ALDH3A1: variants seen among roughly 807,000 people sequenced by gnomAD.
ALDH3A1 encodes aldehyde dehydrogenase 3 family member A1.
In ALDH3A1, 46 loss-of-function variants were observed where a neutral mutation model predicts 49.9. The ratio of observed to expected loss-of-function variants is 0.92; its 90% confidence interval spans 0.73 to 1.18. The LOEUF is 1.18. ALDH3A1 is among the 50% of genes most tolerant of loss of function. The probability of loss-of-function intolerance (pLI) is 0.00; values close to 1 mark genes in which losing one functional copy is unlikely to be tolerated. For synonymous variants in ALDH3A1, 269 were observed against 253.3 expected (o/e 1.06, Z -0.59); for missense variants, 592 against 611.8 (o/e 0.97, Z 0.34).
chr17:19,744,610 C>T (rs1597674634), intron 2 of ALDH3A1: 1 of 985,308 alleles, frequency 1.0e-6, no homozygotes, highest in East Asian at 1.1e-4. Context: ...CCATGCCCTC[C>T]GGGGTGCCAA....
Position 19,744,988 on chromosome 17 carries a change from G to C in ALDH3A1, c.142C>G (p.Leu48Val), listed in dbSNP as rs1469726196. 1 of 1,472,096 alleles carries C rather than the reference G, an allele frequency of 6.8e-7. No individual in the cohort carries two copies. The highest frequency in any genetic ancestry group is 1.9e-5 in the Admixed American group (1 of 53,400). 91.2% of individuals were successfully genotyped at this position (1,472,096 alleles called of 1,614,324 possible). A position where few individuals can be genotyped will look rare whatever the true frequency, so the allele number is the denominator to read the frequency against. Residue 48 changes from leucine (L) to valine (V), a missense_variant, in exon 2 of 11, where the codon CTG (leucine) becomes GTG (valine). Coordinates refer to ENST00000225740, the MANE Select transcript of ALDH3A1 (RefSeq NM_000691.5). ...QEQEQELVGA[L>V]AADLHKNEWN... ...AGCACCTTGTGCAGGTCTGCGGCCA[G>C]CGCGCCCACCAGCTCCTGCTCCTGC... is the stretch of plus-strand genomic sequence containing the variant.
At chr17:19,741,421 T>C (rs1404620561) in intron 5 of ALDH3A1, 2 of 513,840 alleles carry the variant, frequency 3.9e-6, no homozygotes, top group Non-Finnish European at 7.1e-6. Context: ...GGGGAATTTC[T>C]AGAGGACGTC....
intron 4 of ALDH3A1, 151 bp from the exon 5 acceptor site, chr17:19,742,363 C>T (rs557034887): frequency 9.0e-7 from 1 of 1,112,566 alleles, no homozygotes; most frequent in South Asian, 1.5e-5. Context: ...CAGTAGACCG[C>T]CTTTCCTGGC....
chr17:19,741,111 C>T lies in ALDH3A1; in HGVS notation c.789G>A (p.Lys263=). 2 of 1,614,056 alleles carry T rather than the reference C, an allele frequency of 1.2e-6. No homozygotes were observed. Among genetic ancestry groups the T allele is most frequent in the Admixed American group, 1.7e-5 (1 of 60,028 alleles). Residue 263 remains lysine, a synonymous_variant, in exon 6 of 11, where the codon AAG becomes AAA. Coordinates refer to ENST00000225740, the MANE Select transcript of ALDH3A1 (RefSeq NM_000691.5). The stretch of plus-strand genomic sequence containing the variant: ...CACTCACTTTCAGTGACTTCTTGAG[C>T]TTCTCCACAATTTGGTTCTGGATCG... ...DPSIQNQIVE[K]LKKSLKEFYG... is the part of the protein sequence containing the mutation.
At position 19,741,189 on chromosome 17, in the gene ALDH3A1, G is replaced by C. The variant is rs1230637540; in HGVS notation, c.711C>G (p.Phe237Leu). 6.2e-7 allele frequency: 1 copy of C among 1,614,008 alleles called. No individual in the cohort carries two copies. Among genetic ancestry groups the C allele is most frequent in the East Asian group, 2.2e-5 (1 of 44,878 alleles). ...CCACGCAGGTCTGGCCACTGTTCAT[G>C]AATTTCCCCCAGGCGATGCGTCTGT... ...VACRRIAWGK[F>L]MNSGQTCVAP... Residue 237 changes from phenylalanine (F) to leucine (L), a missense_variant, in exon 6 of 11, where the codon TTC becomes TTG. By Grantham distance (22) the Phe-to-Leu change is conservative (BLOSUM62 0). Coordinates refer to ENST00000225740, the MANE Select transcript of ALDH3A1 (RefSeq NM_000691.5).
At chr17:19,741,013 T>C (rs2086481154) in intron 6 of ALDH3A1, 80 bp downstream of exon 6, 1 of 1,034,858 alleles carries the variant, frequency 9.7e-7, no homozygotes, top group South Asian at 1.3e-5. Context: ...TTTCCAAATC[T>C]GTAGAAGTTG....
rs532511984 is a variant in ALDH3A1 at position 19,743,006 on chromosome 17, G to A, written c.394+226C>T. ...CTCCAGCCCCCCAACAGGGGTGGGGGAAGGCAGGCCCTCTCTGTATCACCA... is the reference window on the plus strand; with the variant it reads ...CTCCAGCCCCCCAACAGGGGTGGGGAAAGGCAGGCCCTCTCTGTATCACCA... On this transcript the variant is annotated intron_variant, in intron 3 of 10. Coordinates refer to ENST00000225740, the MANE Select transcript of ALDH3A1 (RefSeq NM_000691.5). This position sits in a 1 kb window ranked among gnomAD's most constrained non-coding sequence, Gnocchi z 4.4. The A allele has an allele frequency of 1.0e-4, 153 of 1,531,636 alleles. 2 individuals are homozygous for A. The Admixed American group carries it at 3.0e-3, about 30-fold the overall frequency. 94.9% of individuals were successfully genotyped at this position (1,531,636 alleles called of 1,614,324 possible). A position where few individuals can be genotyped will look rare whatever the true frequency, so the allele number is the denominator to read the frequency against.
At chr17:19,740,247 T>C (rs2086465374) in intron 7 of ALDH3A1, 89 bp downstream of exon 7, 11 of 1,555,894 alleles carry the variant, frequency 7.1e-6, no homozygotes, top group Non-Finnish European at 9.6e-6. Flanking sequence ...TCGTGTCCGC[T>C]TATCAAGCAT....
chr17:19,739,821 C>A (rs1266775357), intron 7 of ALDH3A1, 147 bp from the exon 8 acceptor site: 1 of 994,212 alleles, frequency 1.0e-6, no homozygotes, highest in African/African-American at 1.6e-5. Flanking sequence ...CAGAGAGGTA[C>A]CCTAGGCACC....
In ALDH3A1 at chr17:19,743,412, C is replaced by T. The variant is rs759633710; in HGVS notation, c.214G>A (p.Glu72Lys). Residue 72 changes from glutamate (E) to lysine (K), a missense_variant, in exon 3 of 11, where the codon GAG becomes AAG. Physicochemically the swap from Glu to Lys is moderately conservative, Grantham distance 56 (BLOSUM62 1). Coordinates refer to ENST00000225740, the MANE Select transcript of ALDH3A1 (RefSeq NM_000691.5). This position sits in a 1 kb window ranked among gnomAD's most constrained non-coding sequence, Gnocchi z 4.4. The stretch of plus-strand genomic sequence containing the variant: ...TCAGGGAGCTTCTGGATCATGTACT[C>T]GATCTCCTCTAGGACGTACACCACC... ...EEVVYVLEEI[E>K]YMIQKLPEWA... is the part of the protein sequence containing the mutation. 1.9e-6 allele frequency: 3 copies of T among 1,613,828 alleles called. No homozygotes were observed. Among genetic ancestry groups the T allele is most frequent in the Admixed American group, 1.7e-5 (1 of 59,972 alleles).
At chr17:19,747,901 C>T in intron 1 of ALDH3A1, 1 of 164,724 alleles carries the variant, frequency 6.1e-6, no homozygotes, top group Non-Finnish European at 1.3e-5. Flanking sequence ...TCTGATCTCA[C>T]AGTTAGCAGG....
intron 2 of ALDH3A1, 68 bp downstream of exon 2, chr17:19,744,900 A>ACCCCC: frequency 1.1e-5 from 3 of 270,616 alleles, no homozygotes; most frequent in Non-Finnish European, 1.6e-5. Flanking sequence ...CACTCTCCCC[A>ACCCCC]GCCCCTCCCC....
Position 19,743,190 on chromosome 17 carries a change from G to A in ALDH3A1, c.394+42C>T, listed in dbSNP as rs1281340752. 1 of 1,609,642 alleles carries A rather than the reference G, an allele frequency of 6.2e-7. No individual in the cohort carries two copies. The highest frequency in any genetic ancestry group is 1.1e-5 in the South Asian group (1 of 90,676). On this transcript the variant is annotated intron_variant, in intron 3 of 10. Coordinates refer to ENST00000225740, the MANE Select transcript of ALDH3A1 (RefSeq NM_000691.5). This position sits in a 1 kb window ranked among gnomAD's most constrained non-coding sequence, Gnocchi z 4.4. The stretch of plus-strand genomic sequence containing the variant: ...CATCCTGGCTTGGCTCCACGCTGGG[G>A]GACGGTGCTCCCCCAGCTTCCCTTC...
chr17:19,740,476 T>G lies in ALDH3A1; in HGVS notation c.809A>C (p.Glu270Ala), dbSNP rs141568499. Residue 270 changes from glutamate (E) to alanine (A), a missense_variant and splice_region_variant, in exon 7 of 11, where the codon GAG (glutamate) becomes GCG (alanine). Coordinates refer to ENST00000225740, the MANE Select transcript of ALDH3A1 (RefSeq NM_000691.5). ...TTTCTTAGCATCTTCCCCGTAGAAC[T>G]CCTGTGGAGAAGAGGTGGGGGCTTC... ...IVEKLKKSLK[E>A]FYGEDAKKSR... The G allele has an allele frequency of 4.4e-3, 7,029 of 1,613,900 alleles. 49 individuals carry two copies. The highest frequency in any genetic ancestry group is 4.7e-3 in the Non-Finnish European group (5,604 of 1,179,978).
Position 19,745,053 on chromosome 17 carries a change from C to T in ALDH3A1, c.77G>A (p.Arg26Gln). ...CTGCAGCGCCTCCAGCTGCTGGATC[C>T]GGAACTGCAGCGGACGGGTCCTGCC... The part of the protein sequence containing the change: ...SSGRTRPLQF[R>Q]IQQLEALQRL... The change falls in exon 2 of 11, where the codon CGG becomes CAG. Residue 26 changes from arginine (R) to glutamine (Q), a missense_variant. Arg to Gln is a conservative substitution (Grantham distance 43, BLOSUM62 1). Transcript: ENST00000225740. 6.3e-7 allele frequency: 1 copy of T among 1,597,932 alleles called. No individual in the cohort carries two copies. Among genetic ancestry groups the T allele is most frequent in the South Asian group, 1.1e-5 (1 of 90,886 alleles).
chr17:19,745,183 TG>T, intron 1 of ALDH3A1, 49 bp from the exon 2 acceptor site: 1 of 1,513,386 alleles, frequency 6.6e-7, no homozygotes, highest in Non-Finnish European at 8.8e-7. Context: ...GAGCGCGCCC[TG>T]CCTCCCACCC....
Position 19,739,506 on chromosome 17 carries a change from A to C in ALDH3A1, c.1116+2T>G. Reference sequence around the variant, plus strand: ...AGAGGGCACCCCAGGCCCACCACCCACCTTGTCGTTGCTGGAGAACATGTA... The same window carrying C: ...AGAGGGCACCCCAGGCCCACCACCCCCCTTGTCGTTGCTGGAGAACATGTA... On this transcript the variant is annotated splice_donor_variant, in intron 8 of 10. Transcript: ENST00000225740. LOFTEE classifies it high-confidence loss of function. 1.2e-6 allele frequency: 2 copies of C among 1,607,388 alleles called. No individual in the cohort carries two copies. The highest frequency in any genetic ancestry group is 1.7e-6 in the Non-Finnish European group (2 of 1,177,548).
Position 19,739,374 on chromosome 17 carries a change from G to A in ALDH3A1, c.1116+134C>T, listed in dbSNP as rs139278361. ...ATGCTGCTGTCCTGATCTTACAGAC[G>A]AGGTGAAAGGAGCTCAGAAAGATCC... is the stretch of plus-strand genomic sequence containing the variant. On this transcript the variant is annotated intron_variant, in intron 8 of 10. Transcript: ENST00000225740. 539 of 1,083,418 alleles carry A rather than the reference G, an allele frequency of 5.0e-4. 1 individual carries two copies. The highest frequency in any genetic ancestry group is 4.3e-4 in the Non-Finnish European group (323 of 759,984). 67.1% of individuals were successfully genotyped at this position (1,083,418 alleles called of 1,614,324 possible). A position where few individuals can be genotyped will look rare whatever the true frequency, so the allele number is the denominator to read the frequency against.
At chr17:19,742,928 C>T (rs2086526624) in intron 3 of ALDH3A1, 2 of 1,525,066 alleles carry the variant, frequency 1.3e-6, no homozygotes, top group Non-Finnish European at 1.8e-6. Flanking sequence ...GTTGGTAGAA[C>T]AGCGCTGGCC....
Sources: gnomAD v4.1 joint callset for allele counts on GRCh38, gnomAD v4.1.1 for gene constraint, Gnocchi (gnomAD v3.1) non-coding constraint, MANE v1.5 for transcripts, NCBI Gene and HGNC (gene_info 2026-07-23, HGNC 2026-07-21) for gene names.